GABRG1: variants seen among roughly 807,000 people sequenced by gnomAD.
GABRG1 encodes gamma-aminobutyric acid type A receptor subunit gamma1, also known as gamma-aminobutyric acid receptor subunit gamma-1.
A neutral mutation model predicts 49.8 loss-of-function variants in GABRG1; 49 were observed. The observed-to-expected ratio is 0.98, with a 90% CI of 0.78 to 1.25. GABRG1 has a LOEUF of 1.25. Ranked by LOEUF, GABRG1 falls within the 50% of genes most tolerant of loss-of-function variation. The probability of loss-of-function intolerance (pLI) is 0.00; values close to 1 mark genes in which losing one functional copy is unlikely to be tolerated. For missense variants in GABRG1, 552 were observed against 552.3 expected (o/e 1.00, Z 0.01); for synonymous variants, 232 against 185.1 (o/e 1.25, Z -2.06).
Position 46,051,787 on chromosome 4 carries a change from A to T in GABRG1, c.917-149T>A, listed in dbSNP as rs944705555. 11 of 560,482 alleles carry T rather than the reference A, an allele frequency of 2.0e-5. No individual in the cohort carries two copies. In the East Asian group the frequency reaches 2.6e-4, roughly 13 times the overall value. 34.7% of individuals were successfully genotyped at this position (560,482 alleles called of 1,614,324 possible). On this transcript the variant is annotated intron_variant, in intron 7 of 8. Transcript: ENST00000295452. ...TATATTAATAATTATTGGTAGCCAT[A>T]GCAACATTGTGTCCAATGTGCTCTT...
chr4:46,073,660 A>T (rs1031740783), intron 3 of GABRG1, among the ~76,000 whole-genome samples: 3 of 152,044 alleles, frequency 2.0e-5, no homozygotes, highest in African/African-American at 7.2e-5. Context: ...ATGGGGATAC[A>T]TTCCAAGATC....
At chr4:46,099,147 T>C (rs1391175) in intron 1 of GABRG1, among the ~76,000 whole-genome samples, 12,106 of 151,714 alleles carry the variant, frequency 0.08, 928 homozygotes, top group African/African-American at 0.19. Context: ...CTTCTCACCC[T>C]ACTAACTTTT....
intron 8 of GABRG1, among the ~76,000 whole-genome samples, chr4:46,042,817 G>C (rs1717834751): frequency 6.6e-6 from 1 of 151,912 alleles, no homozygotes. Context: ...ATTCATATTA[G>C]AGACAAATGT....
At chr4:46,111,136 A>C (rs1720699192) in intron 1 of GABRG1, among the ~76,000 whole-genome samples, 1 of 151,128 alleles carries the variant, frequency 6.6e-6, no homozygotes, top group East Asian at 2.0e-4. Flanking sequence ...GAACTGATAA[A>C]CCACTTCATT....
intron 5 of GABRG1, among the ~76,000 whole-genome samples, chr4:46,063,088 C>A (rs1357588948): frequency 4.3e-4 from 64 of 150,536 alleles, no homozygotes; most frequent in Middle Eastern, 3.4e-3. Context: ...AAATGGCCAT[C>A]CTGCCCAAGG....
At chr4:46,050,078 T>C (rs1324906541) in intron 8 of GABRG1, among the ~76,000 whole-genome samples, 1 of 151,956 alleles carries the variant, frequency 6.6e-6, no homozygotes, top group African/African-American at 2.4e-5. Flanking sequence ...TGCATGGCTT[T>C]GATGAAAGGA....
At chr4:46,099,936 T>G (rs1720325320) in intron 1 of GABRG1, among the ~76,000 whole-genome samples, 1 of 151,748 alleles carries the variant, frequency 6.6e-6, no homozygotes, top group Non-Finnish European at 1.5e-5. Flanking sequence ...ATGAGCACAC[T>G]ATAATATTGT....
intron 8 of GABRG1, among the ~76,000 whole-genome samples, chr4:46,042,231 C>A (rs1008691676): frequency 6.6e-6 from 1 of 151,734 alleles, no homozygotes; most frequent in African/African-American, 2.4e-5. Flanking sequence ...CCTGATGAGG[C>A]CTATATCACA....
At chr4:46,089,963 C>CA in intron 2 of GABRG1, among the ~76,000 whole-genome samples, 1 of 151,644 alleles carries the variant, frequency 6.6e-6, no homozygotes, top group Non-Finnish European at 1.5e-5. Context: ...GACCATGCCT[C>CA]AAAAAAATAA....
chr4:46,108,993 AT>A (rs1378411338), intron 1 of GABRG1, among the ~76,000 whole-genome samples: 1 of 150,952 alleles, frequency 6.6e-6, no homozygotes, highest in Non-Finnish European at 1.5e-5. Context: ...GTCATATCAT[AT>A]CTATGCTCAA....
chr4:46,085,649 A>G (rs954079920), intron 2 of GABRG1, among the ~76,000 whole-genome samples: 5 of 151,626 alleles, frequency 3.3e-5, no homozygotes, highest in African/African-American at 1.2e-4. Flanking sequence ...TTTTGAAACC[A>G]CGGCTGGTGA....
chr4:46,109,091 G>T (rs1332297594), intron 1 of GABRG1, among the ~76,000 whole-genome samples: 1 of 150,814 alleles, frequency 6.6e-6, no homozygotes, highest in Non-Finnish European at 1.5e-5. Flanking sequence ...CAGTAGAATT[G>T]GTACCAGGTT....
intron 8 of GABRG1, among the ~76,000 whole-genome samples, chr4:46,046,557 C>T (rs1577628832): frequency 6.6e-6 from 1 of 152,048 alleles, no homozygotes; most frequent in African/African-American, 2.4e-5. Flanking sequence ...ATTGATACAG[C>T]TTTTCATTAT....
chr4:46,119,034 A>G (rs1351512325), intron 1 of GABRG1, among the ~76,000 whole-genome samples: 1 of 151,314 alleles, frequency 6.6e-6, no homozygotes, highest in Non-Finnish European at 1.5e-5. Context: ...TTAAAATAAG[A>G]TAACCATTCA....
chr4:46,068,055 C>T (rs1208109326), intron 3 of GABRG1, among the ~76,000 whole-genome samples: 2 of 152,092 alleles, frequency 1.3e-5, no homozygotes, highest in Non-Finnish European at 2.9e-5. Context: ...TCACCTGACA[C>T]AAATGACTAA....
chr4:46,104,750 C>T (rs1054462534), intron 1 of GABRG1, among the ~76,000 whole-genome samples: 5 of 151,256 alleles, frequency 3.3e-5, no homozygotes, highest in Non-Finnish European at 5.9e-5. Flanking sequence ...CTATTAGGTG[C>T]TTATTGTGTG....
At chr4:46,061,196 A>T (rs1333680600) in intron 5 of GABRG1, among the ~76,000 whole-genome samples, 1 of 152,260 alleles carries the variant, frequency 6.6e-6, no homozygotes, top group East Asian at 1.9e-4. Flanking sequence ...AGTTCCTTGA[A>T]TTCTATCAAT....
Position 46,036,803 on chromosome 4 carries a change from G to A in GABRG1, c.*4185C>T, listed in dbSNP as rs1218696911. 2 of 151,918 alleles carry A rather than the reference G, an allele frequency of 1.3e-5. No individual in the cohort carries two copies. The highest frequency in any genetic ancestry group is 2.9e-5 in the Non-Finnish European group (2 of 67,916). 9.4% of individuals were successfully genotyped at this position (151,918 alleles called of 1,614,324 possible). A position where few individuals can be genotyped will look rare whatever the true frequency, so the allele number is the denominator to read the frequency against. ...AAACTTCTGCAGAAATTTTAATAAT[G>A]TATCTTTTGTACTCAAGTATCTCTG... is the stretch of plus-strand genomic sequence containing the variant. On this transcript the variant is annotated 3_prime_UTR_variant, in exon 9 of 9. Transcript: ENST00000295452.
At chr4:46,047,816 T>C (rs1281496511) in intron 8 of GABRG1, among the ~76,000 whole-genome samples, 18 of 152,048 alleles carry the variant, frequency 1.2e-4, no homozygotes, top group Admixed American at 1.2e-3. Flanking sequence ...ATTATTTATA[T>C]TGTATCTTAT....
Sources: allele counts gnomAD v4.1 joint callset (sites outside exome capture counted in the v4.1 genomes callset), GRCh38; gene constraint gnomAD v4.1.1; transcripts MANE v1.5; gene names NCBI Gene and HGNC (gene_info 2026-07-23, HGNC 2026-07-21).